Variants in ALAS1 observed in about 807,000 individuals in gnomAD.
ALAS1 encodes the protein 5'-aminolevulinate synthase 1, also known as 5-aminolevulinate synthase, non-specific, mitochondrial.
In ALAS1, 29 loss-of-function variants were observed where a neutral mutation model predicts 59.6. The observed-to-expected ratio is 0.49, with a 90% CI of 0.36 to 0.66. The LOEUF is 0.66. ALAS1 is among the 30% of genes least tolerant of loss of function. The probability of loss-of-function intolerance (pLI) is 0.00; values close to 1 mark genes in which losing one functional copy is unlikely to be tolerated. For missense variants in ALAS1, 690 were observed against 807.5 expected, an observed-to-expected ratio of 0.85 and a Z score of 1.76; for synonymous variants, 299 against 296.6, an observed-to-expected ratio of 1.01 and a Z score of -0.08.
At chr3:52,212,560 T>G in intron 11 of ALAS1, 140 bp downstream of exon 11, 3 of 1,118,402 alleles carry the variant, frequency 2.7e-6, no homozygotes, top group East Asian at 2.4e-5. Context: ...GACAAGAGTT[T>G]CGCTCTTGTT....
chr3:52,199,485 T>G (rs370967080), intron 3 of ALAS1, 45 bp downstream of exon 3: 1 of 1,576,490 alleles, frequency 6.3e-7, no homozygotes. Flanking sequence ...GTGTTTGTGC[T>G]CATTGGTAGA....
At chr3:52,211,626 C>T in intron 10 of ALAS1, 75 bp downstream of exon 10, 1 of 1,567,614 alleles carries the variant, frequency 6.4e-7, no homozygotes. Flanking sequence ...CTGCTTCATA[C>T]CTTCCTGAAG....
intron 3 of ALAS1, among the ~76,000 whole-genome samples, chr3:52,200,043 T>A (rs1699156723): frequency 6.6e-6 from 1 of 152,244 alleles, no homozygotes; most frequent in East Asian, 1.9e-4. Flanking sequence ...CTCAAACTCC[T>A]GACCTCAAAT....
chr3:52,206,908 C>T (rs950492638), intron 8 of ALAS1, among the ~76,000 whole-genome samples, 157 bp downstream of exon 8: 6 of 151,954 alleles, frequency 3.9e-5, no homozygotes, highest in African/African-American at 7.3e-5. Flanking sequence ...GATCTCGACT[C>T]ACTGCAAGCT....
At position 52,198,548 on chromosome 3, in the gene ALAS1, C is replaced by T. The variant is rs534247819; in HGVS notation, c.-209-124C>T. 166 of 549,512 alleles carry T rather than the reference C, an allele frequency of 3.0e-4. No homozygotes were observed. The African/African-American group carries it at 3.1e-3, about 10-fold the overall frequency. 34.0% of individuals were successfully genotyped at this position (549,512 alleles called of 1,614,324 possible). The stretch of plus-strand genomic sequence containing the variant: ...GCGGGTCACCTCTGACCCCCACTGC[C>T]GGAGGACTGCCTTCTTTCTCCAGAC... On this transcript the variant is annotated intron_variant, in intron 1 of 11. Coordinates refer to ENST00000484952, the MANE Select transcript of ALAS1 (RefSeq NM_000688.6).
In ALAS1 at chr3:52,199,086, T is replaced by C. The variant is rs964149227; in HGVS notation, c.-32-124T>C. On this transcript the variant is annotated intron_variant, in intron 2 of 11. Coordinates refer to ENST00000484952, the MANE Select transcript of ALAS1 (RefSeq NM_000688.6). Reference sequence around the variant, plus strand: ...ACATCAGTGCTGTCCTTAGGCATTTTTGAGGGAGAAGTGTTAGTATTCCAG... The same window carrying C: ...ACATCAGTGCTGTCCTTAGGCATTTCTGAGGGAGAAGTGTTAGTATTCCAG... 12 of 1,078,848 alleles carry C rather than the reference T, an allele frequency of 1.1e-5. No homozygotes were observed. In the Admixed American group the frequency reaches 2.2e-4, roughly 20 times the overall value. 66.8% of individuals were successfully genotyped at this position (1,078,848 alleles called of 1,614,324 possible). A position where few individuals can be genotyped will look rare whatever the true frequency, so the allele number is the denominator to read the frequency against.
intron 8 of ALAS1, 89 bp downstream of exon 8, chr3:52,206,840 A>AT (rs879550358): frequency 0.1 from 109,441 of 1,063,568 alleles, no homozygotes; most frequent in East Asian, 0.12. Flanking sequence ...GTGTTTTTTA[A>AT]TTTTTTTTTT....
In ALAS1 at chr3:52,201,755, C is replaced by CA. The variant is rs751932759; in HGVS notation, c.200-743dup. Among the ~76,000 whole-genome samples, 135 of 148,534 alleles carry CA rather than the reference C, an allele frequency of 9.1e-4. No homozygotes were observed. In the East Asian group the frequency reaches 0.02, roughly 22 times the overall value. On this transcript the variant is annotated intron_variant, in intron 3 of 11. Coordinates refer to ENST00000484952, the MANE Select transcript of ALAS1 (RefSeq NM_000688.6). ...TGGTTGACAGAGTGAGATCCTGTTT[C>CA]AAAAAAAAAGGAAAGGAAAATGTTA...
chr3:52,201,910 A>G (rs1005328789), intron 3 of ALAS1, among the ~76,000 whole-genome samples: 6 of 152,212 alleles, frequency 3.9e-5, no homozygotes, highest in African/African-American at 1.4e-4. Flanking sequence ...GGTTGTCTAA[A>G]ACTAGAAAAT....
chr3:52,201,494 G>A (rs544072895), intron 3 of ALAS1, among the ~76,000 whole-genome samples: 36 of 152,334 alleles, frequency 2.4e-4, no homozygotes, highest in Middle Eastern at 6.8e-3. Context: ...GCTCATGCCT[G>A]TAATTCCAGC....
intron 1 of ALAS1, among the ~76,000 whole-genome samples, 161 bp from the exon 2 acceptor site, chr3:52,198,511 G>C (rs1446303458): frequency 6.6e-6 from 1 of 152,100 alleles, no homozygotes; most frequent in Non-Finnish European, 1.5e-5. Flanking sequence ...CGTCATTCTC[G>C]AGACCTCGAC....
At chr3:52,201,177 A>G (rs1435885300) in intron 3 of ALAS1, among the ~76,000 whole-genome samples, 1 of 152,236 alleles carries the variant, frequency 6.6e-6, no homozygotes, top group Non-Finnish European at 1.5e-5. Context: ...ATGATGAAGA[A>G]AGACTTTTCT....
intron 9 of ALAS1, among the ~76,000 whole-genome samples, chr3:52,209,617 C>T (rs921434426): frequency 6.6e-6 from 1 of 152,202 alleles, no homozygotes; most frequent in African/African-American, 2.4e-5. Context: ...GAGATTGAAC[C>T]AACCCAGCTT....
At position 52,211,152 on chromosome 3, in the gene ALAS1, C is replaced by A. The variant is rs78041309; in HGVS notation, c.1331-131C>A. On this transcript the variant is annotated intron_variant, in intron 9 of 11. Coordinates refer to ENST00000484952, the MANE Select transcript of ALAS1 (RefSeq NM_000688.6). ...ATCATTAATGTGGTGCATGACTACT[C>A]CAATCAGTCCAGGAACAAATTAAAA... 6,106 of 982,446 alleles carry A rather than the reference C, an allele frequency of 6.2e-3. 38 individuals are homozygous for A. Among genetic ancestry groups the A allele is most frequent in the Non-Finnish European group, 7.2e-3 (4,874 of 673,636 alleles). The allele number at this position is 982,446 out of a possible 1,614,324, so 60.9% of individuals were successfully genotyped here.
chr3:52,203,225 C>T (rs1304831349), intron 4 of ALAS1, among the ~76,000 whole-genome samples: 3 of 152,062 alleles, frequency 2.0e-5, no homozygotes, highest in African/African-American at 7.2e-5. Context: ...TGCATATGGC[C>T]AAAATTGTTT....
At chr3:52,205,707 C>T (rs926487382) in intron 6 of ALAS1, 132 bp from the exon 7 acceptor site, 2 of 838,114 alleles carry the variant, frequency 2.4e-6, no homozygotes, top group South Asian at 2.0e-5. Context: ...AATTTCTGAC[C>T]CCAGGTTTCA....
intron 3 of ALAS1, among the ~76,000 whole-genome samples, chr3:52,200,336 C>T (rs1699162623): frequency 6.6e-6 from 1 of 152,200 alleles, no homozygotes. Context: ...ATTCCTCTCT[C>T]CCCAACCCCT....
At position 52,211,269 on chromosome 3, in the gene ALAS1, C is replaced by A; in HGVS notation, c.1331-14C>A. On this transcript the variant is annotated splice_polypyrimidine_tract_variant and intron_variant, in intron 9 of 11. Transcript: ENST00000484952. ...ACAGCTGTTGCTGTAATTAATGAAG[C>A]TATCTCCTCCCAGGCAAAGCCTTTG... 1 of 1,609,284 alleles carries A rather than the reference C, an allele frequency of 6.2e-7. No individual in the cohort carries two copies. The highest frequency in any genetic ancestry group is 1.7e-5 in the Admixed American group (1 of 59,966).
intron 5 of ALAS1, among the ~76,000 whole-genome samples, chr3:52,204,339 C>T (rs763956113): frequency 5.3e-5 from 8 of 152,168 alleles, no homozygotes; most frequent in Non-Finnish European, 7.3e-5. Flanking sequence ...GCTATGATCA[C>T]GCTATTGCAC....
Sources: gnomAD v4.1 joint callset for allele counts (sites outside exome capture counted in the v4.1 genomes callset) on GRCh38, gnomAD v4.1.1 for gene constraint, MANE v1.5 for transcripts, NCBI Gene and HGNC (gene_info 2026-07-23, HGNC 2026-07-21) for gene names.